The following HIRA variants were observed in gnomAD, a reference collection of about 807,000 sequenced individuals.
HIRA encodes protein HIRA.
A neutral mutation model predicts 126.6 loss-of-function variants in HIRA; 13 were observed. The ratio of observed to expected loss-of-function variants is 0.10; its 90% confidence interval spans 0.07 to 0.16. The LOEUF is 0.16. Ranked by LOEUF, HIRA falls within the 10% of genes least tolerant of loss-of-function variation. HIRA has a pLI of 1.00. For missense variants in HIRA, 834 were observed against 1,314.4 expected (o/e 0.63, Z 5.65); for synonymous variants, 511 against 520.0 (o/e 0.98, Z 0.24).
At chr22:19,371,618 TACTC>T (rs58239353) in intron 15 of HIRA, among the ~76,000 whole-genome samples, 20,671 of 152,040 alleles carry the variant, frequency 0.14, 2,780 homozygotes, top group African/African-American at 0.35. Context: ...TACCCATTGG[TACTC>T]ACTCCTTATC....
chr22:19,384,409 T>A (rs942795151), intron 12 of HIRA, among the ~76,000 whole-genome samples: 2 of 151,890 alleles, frequency 1.3e-5, no homozygotes, highest in Non-Finnish European at 2.9e-5. Context: ...ACACTAAGTA[T>A]GTATAACTTT....
intron 1 of HIRA, among the ~76,000 whole-genome samples, chr22:19,413,118 A>C (rs945991083): frequency 1.3e-5 from 2 of 152,160 alleles, no homozygotes; most frequent in Admixed American, 6.5e-5. Flanking sequence ...GCAGGTAGAG[A>C]GTGTGAGAAA....
chr22:19,426,335 C>T (rs1601865512), intron 1 of HIRA, among the ~76,000 whole-genome samples: 1 of 152,220 alleles, frequency 6.6e-6, no homozygotes, highest in East Asian at 1.9e-4. Flanking sequence ...TGCCTCCCAG[C>T]CCCATTCTCC....
chr22:19,352,821 G>A (rs1430208864), intron 23 of HIRA, among the ~76,000 whole-genome samples: 1 of 152,224 alleles, frequency 6.6e-6, no homozygotes, highest in Admixed American at 6.5e-5. Flanking sequence ...AGTTGGTAAG[G>A]CTATTGGAGT....
chr22:19,387,370 T>A (rs2089136693), intron 11 of HIRA, among the ~76,000 whole-genome samples: 2 of 152,130 alleles, frequency 1.3e-5, no homozygotes, highest in African/African-American at 4.8e-5. Flanking sequence ...ATTACTACCA[T>A]GAAGGTGAAA....
chr22:19,392,345 ATC>A (rs2089189925), intron 8 of HIRA, 131 bp from the exon 9 acceptor site: 1 of 557,102 alleles, frequency 1.8e-6, no homozygotes, highest in African/African-American at 1.9e-5. Flanking sequence ...CATGCATTTC[ATC>A]TTCCCGACCA....
At chr22:19,390,553 T>A (rs2089169071) in intron 9 of HIRA, among the ~76,000 whole-genome samples, 1 of 128,178 alleles carries the variant, frequency 7.8e-6, no homozygotes, top group South Asian at 2.6e-4. Flanking sequence ...AAGCCAAGAT[T>A]GCACCACTGC....
chr22:19,366,027 T>C (rs749186486), intron 15 of HIRA: 3 of 147,518 alleles, frequency 2.0e-5, no homozygotes, highest in Non-Finnish European at 3.0e-5. Context: ...CTGGGCAACA[T>C]AGCAAGACAC....
intron 24 of HIRA, among the ~76,000 whole-genome samples, chr22:19,349,408 G>T (rs886295446): frequency 1.1e-4 from 16 of 152,148 alleles, no homozygotes; most frequent in African/African-American, 3.9e-4. Flanking sequence ...CGGCGATACA[G>T]CTGATTTTAA....
At chr22:19,412,572 G>A (rs1212767033) in intron 1 of HIRA, among the ~76,000 whole-genome samples, 2 of 152,168 alleles carry the variant, frequency 1.3e-5, no homozygotes, top group Non-Finnish European at 2.9e-5. Flanking sequence ...CAATCAGGGC[G>A]GAACATTCCC....
chr22:19,348,046 C>T lies in HIRA; in HGVS notation c.2937+3312G>A, dbSNP rs1195402438. 5.3e-5 allele frequency among the ~76,000 whole-genome samples: 8 copies of T among 152,190 alleles called. No homozygotes were observed. In the East Asian group the frequency reaches 5.8e-4, roughly 11 times the overall value. ...CCTTTGTCCTGGTATTCCAAAGGTA[C>T]GCAACCTAGAATAAGCGTCAACTGG... is the stretch of plus-strand genomic sequence containing the variant. On this transcript the variant is annotated intron_variant, in intron 24 of 24. Coordinates refer to ENST00000263208, the MANE Select transcript of HIRA (RefSeq NM_003325.4).
At position 19,385,505 on chromosome 22, in the gene HIRA, C is replaced by G. The variant is rs1450243418; in HGVS notation, c.1329+16G>C. 6.2e-7 allele frequency: 1 copy of G among 1,610,692 alleles called. No individual in the cohort carries two copies. Among genetic ancestry groups the G allele is most frequent in the South Asian group, 1.1e-5 (1 of 91,020 alleles). ...CATATGTCCATGTCTTTAGCGCCAC[C>G]AGGCAGGGCTCTCACCTTCCTGATA... On this transcript the variant is annotated intron_variant, in intron 12 of 24. Transcript: ENST00000263208.
In HIRA at chr22:19,359,566, C is replaced by T. The variant is rs1409267972; in HGVS notation, c.2086-82G>A. On this transcript the variant is annotated intron_variant, in intron 17 of 24. Transcript: ENST00000263208. Reference sequence around the variant, plus strand: ...GCTCCAAGGCTCTGTAGCCTGGGGCCCCAAGGCAGCAGCAGGATACAGAGG... The same window carrying T: ...GCTCCAAGGCTCTGTAGCCTGGGGCTCCAAGGCAGCAGCAGGATACAGAGG... The T allele has an allele frequency of 2.2e-6, 3 of 1,373,278 alleles. No homozygotes were observed. In the African/African-American group the frequency reaches 4.5e-5, roughly 21 times the overall value. The allele number at this position is 1,373,278 out of a possible 1,614,324, so 85.1% of individuals were successfully genotyped here.
At chr22:19,419,186 C>T (rs1427126934) in intron 1 of HIRA, among the ~76,000 whole-genome samples, 1 of 152,184 alleles carries the variant, frequency 6.6e-6, no homozygotes, top group African/African-American at 2.4e-5. Context: ...AGACACCTCA[C>T]CCTGATCTTC....
At chr22:19,343,302 A>G (rs1556008040) in intron 24 of HIRA, among the ~76,000 whole-genome samples, 1 of 152,236 alleles carries the variant, frequency 6.6e-6, no homozygotes, top group Non-Finnish European at 1.5e-5. Context: ...CTGTAATCCC[A>G]GCACTTTGGG....
At chr22:19,385,795 C>T (rs1671233137) in intron 11 of HIRA, 59 bp from the exon 12 acceptor site, 1 of 1,514,940 alleles carries the variant, frequency 6.6e-7, no homozygotes, top group Non-Finnish European at 9.0e-7. Flanking sequence ...GCCAGTGCTG[C>T]CCACCAGCAG....
At chr22:19,402,126 C>T (rs577307759) in intron 5 of HIRA, among the ~76,000 whole-genome samples, 2 of 152,370 alleles carry the variant, frequency 1.3e-5, no homozygotes, top group East Asian at 3.9e-4. Flanking sequence ...CCTTACAGGA[C>T]TCTGCCTTCT....
chr22:19,431,274 G>A (rs960950419), intron 1 of HIRA, among the ~76,000 whole-genome samples, 166 bp downstream of exon 1: 7 of 152,176 alleles, frequency 4.6e-5, no homozygotes, highest in African/African-American at 1.4e-4. Context: ...GGGCTCACCA[G>A]CCTCTCCGCG....
intron 12 of HIRA, among the ~76,000 whole-genome samples, chr22:19,384,241 C>G (rs901212175): frequency 6.8e-6 from 1 of 146,340 alleles, no homozygotes; most frequent in Non-Finnish European, 1.5e-5. Flanking sequence ...GGAGAATCGC[C>G]TGAACCAGGG....
Sources: allele counts gnomAD v4.1 joint callset (sites outside exome capture counted in the v4.1 genomes callset), GRCh38; gene constraint gnomAD v4.1.1; transcripts MANE v1.5; gene names NCBI Gene and HGNC (gene_info 2026-07-23, HGNC 2026-07-21).